The following WDR25 variants were observed in gnomAD, a reference collection of about 807,000 sequenced individuals.
WDR25 encodes WD repeat-containing protein 25.
In WDR25, 35 loss-of-function variants were observed where a neutral mutation model predicts 47.7. The ratio of observed to expected loss-of-function variants is 0.73; its 90% CI spans 0.56 to 0.97. WDR25 has a LOEUF of 0.97. Among genes scored for constraint, WDR25 ranks in the 50% least tolerant of loss-of-function variants. The probability of loss-of-function intolerance (pLI) is 0.00; values close to 1 mark genes in which losing one functional copy is unlikely to be tolerated. For missense variants in WDR25, 634 were observed against 704.7 expected, an observed-to-expected ratio of 0.90 and a Z score of 1.14; for synonymous variants, 248 against 278.9, an observed-to-expected ratio of 0.89 and a Z score of 1.10.
intron 2 of WDR25, among the ~76,000 whole-genome samples, chr14:100,443,378 G>A (rs1041371862): frequency 1.5e-5 from 2 of 135,582 alleles, no homozygotes; most frequent in Non-Finnish European, 3.0e-5. Context: ...GCCTTGCTTC[G>A]CCCCATCTAC....
chr14:100,478,069 C>T (rs532416654), intron 3 of WDR25, among the ~76,000 whole-genome samples: 5 of 151,674 alleles, frequency 3.3e-5, no homozygotes, highest in South Asian at 2.1e-4. Flanking sequence ...CCAGCCTGGG[C>T]GACAGAGCGA....
chr14:100,522,604 G>A (rs1384393099), intron 4 of WDR25, among the ~76,000 whole-genome samples: 1 of 152,196 alleles, frequency 6.6e-6, no homozygotes, highest in Non-Finnish European at 1.5e-5. Flanking sequence ...GGGAGGAGAA[G>A]GTTTACAAGC....
At chr14:100,459,945 T>TATATATAC (rs1566920424) in intron 2 of WDR25, among the ~76,000 whole-genome samples, 26 of 83,970 alleles carry the variant, frequency 3.1e-4, no homozygotes, top group Non-Finnish European at 6.1e-4. Flanking sequence ...TATATACACA[T>TATATATAC]ACACATACAC....
At chr14:100,507,524 C>T (rs1005845040) in intron 4 of WDR25, among the ~76,000 whole-genome samples, 7 of 151,978 alleles carry the variant, frequency 4.6e-5, no homozygotes, top group African/African-American at 9.7e-5. Context: ...ATTGATTCTT[C>T]GAATCCATGA....
intron 3 of WDR25, among the ~76,000 whole-genome samples, chr14:100,472,777 A>G (rs2140303288): frequency 6.6e-6 from 1 of 152,318 alleles, no homozygotes; most frequent in Middle Eastern, 3.4e-3. Context: ...GTAATGGGAC[A>G]ACACGCACTC....
chr14:100,465,262 T>C (rs1899590558), intron 2 of WDR25, among the ~76,000 whole-genome samples: 1 of 152,214 alleles, frequency 6.6e-6, no homozygotes, highest in South Asian at 2.1e-4. Context: ...GTCAGTGGCA[T>C]TAAGCACATT....
chr14:100,389,867 G>A (rs1897101326), intron 2 of WDR25, among the ~76,000 whole-genome samples: 1 of 152,130 alleles, frequency 6.6e-6, no homozygotes, highest in Non-Finnish European at 1.5e-5. Context: ...ATAGAACGAG[G>A]GCCATACAGA....
At chr14:100,496,468 ACTTC>A (rs1900731044) in intron 4 of WDR25, among the ~76,000 whole-genome samples, 1 of 152,044 alleles carries the variant, frequency 6.6e-6, no homozygotes, top group South Asian at 2.1e-4. Flanking sequence ...TTGTTTTTCT[ACTTC>A]CTTAATTTCT....
At chr14:100,444,620 C>T (rs929077612) in intron 2 of WDR25, among the ~76,000 whole-genome samples, 2 of 152,184 alleles carry the variant, frequency 1.3e-5, no homozygotes, top group Non-Finnish European at 2.9e-5. Flanking sequence ...CCTCCGTGGC[C>T]TGCAGAAGTT....
intron 4 of WDR25, among the ~76,000 whole-genome samples, chr14:100,505,661 T>C (rs1901086584): frequency 6.6e-6 from 1 of 152,244 alleles, no homozygotes; most frequent in African/African-American, 2.4e-5. Flanking sequence ...TTGGGGATAA[T>C]TGACATCTTA....
chr14:100,378,472 A>G (rs749613005), intron 1 of WDR25, among the ~76,000 whole-genome samples: 19 of 152,224 alleles, frequency 1.2e-4, no homozygotes, highest in Non-Finnish European at 1.6e-4. Flanking sequence ...CTGCCCAGAA[A>G]GATTTTTTTT....
intron 4 of WDR25, among the ~76,000 whole-genome samples, chr14:100,497,623 TC>T (rs1192304405): frequency 1.3e-5 from 2 of 152,200 alleles, no homozygotes; most frequent in Non-Finnish European, 2.9e-5. Flanking sequence ...TTGTATTTTG[TC>T]CAGAATTTCA....
intron 2 of WDR25, among the ~76,000 whole-genome samples, chr14:100,402,656 G>C (rs1200929842): frequency 6.6e-6 from 1 of 152,166 alleles, no homozygotes; most frequent in South Asian, 2.1e-4. Context: ...CTTTTAAGCT[G>C]AGTAGTTTTG....
intron 2 of WDR25, among the ~76,000 whole-genome samples, chr14:100,414,835 C>T (rs184670084): frequency 1.5e-4 from 23 of 150,204 alleles, no homozygotes; most frequent in Middle Eastern, 6.9e-3. Flanking sequence ...ACCCGGGAGG[C>T]GGAGCTTGCA....
chr14:100,514,352 C>G (rs1181069544), intron 4 of WDR25, among the ~76,000 whole-genome samples: 2 of 152,138 alleles, frequency 1.3e-5, no homozygotes, highest in Admixed American at 6.5e-5. Flanking sequence ...TTCTTTCGAA[C>G]TAGGTTATTT....
In WDR25 at chr14:100,439,433, C is replaced by T. The variant is rs75886802; in HGVS notation, c.823-28588C>T. 1.3e-4 allele frequency among the ~76,000 whole-genome samples: 20 copies of T among 152,308 alleles called. 1 individual carries two copies. In the East Asian group the frequency reaches 1.5e-3, roughly 12 times the overall value. On this transcript the variant is annotated intron_variant, in intron 2 of 6. Transcript: ENST00000402312. Reference sequence around the variant, plus strand: ...CAGTTCAGCCTGGTACAGCACGGCCCGCCCACAGCAGGTATTCAAGAGCCG... The same window carrying T: ...CAGTTCAGCCTGGTACAGCACGGCCTGCCCACAGCAGGTATTCAAGAGCCG...
chr14:100,454,785 T>C (rs1475264100), intron 2 of WDR25: 5 of 276,240 alleles, frequency 1.8e-5, no homozygotes, highest in East Asian at 8.6e-5. Flanking sequence ...AAAGTGGCTA[T>C]AAACTCTACC....
chr14:100,500,834 C>T lies in WDR25; in HGVS notation c.1101+16710C>T, dbSNP rs77169470. Among the ~76,000 whole-genome samples the T allele has an allele frequency of 6.6e-5, 10 of 152,236 alleles. No individual in the cohort carries two copies. Among genetic ancestry groups the T allele is most frequent in the East Asian group, 1.9e-4 (1 of 5,190 alleles). On this transcript the variant is annotated intron_variant, in intron 4 of 6. Transcript: ENST00000402312. This position sits in a 1 kb window ranked among gnomAD's most constrained non-coding sequence, Gnocchi z 4.7. ...AGAGCCTAGTTTTAATTTGTGCCTC[C>T]GCTATAAAGTAAGGGAAACCAATTT... is the stretch of plus-strand genomic sequence containing the variant.
At position 100,428,941 on chromosome 14, in the gene WDR25, A is replaced by C. The variant is rs1898248610; in HGVS notation, c.823-39080A>C. On this transcript the variant is annotated intron_variant, in intron 2 of 6. Transcript: ENST00000402312. This position sits in a 1 kb window ranked among gnomAD's most constrained non-coding sequence, Gnocchi z 4.3. ...TCCCCCGAGCCACTCTGAGTCATCT[A>C]ATATGGTTTCCCGAGCGTGTCAGCT... 6.6e-6 allele frequency among the ~76,000 whole-genome samples: 1 copy of C among 152,076 alleles called. No individual in the cohort carries two copies. The highest frequency in any genetic ancestry group is 2.4e-5 in the African/African-American group (1 of 41,424).
Sources: allele counts gnomAD v4.1 joint callset (sites outside exome capture counted in the v4.1 genomes callset), GRCh38; gene constraint gnomAD v4.1.1; non-coding constraint Gnocchi (gnomAD v3.1); transcripts MANE v1.5; gene names NCBI Gene and HGNC (gene_info 2026-07-23, HGNC 2026-07-21).